The following CSMD1 variants were observed in gnomAD, a reference collection of about 807,000 sequenced individuals.
The protein encoded by CSMD1 is CUB and sushi domain-containing protein 1.
A neutral mutation model predicts 417.5 loss-of-function variants in CSMD1; 213 were observed. That is an observed-to-expected ratio of 0.51 (90% CI 0.46 to 0.57). CSMD1 has a LOEUF of 0.57. Among genes scored for constraint, CSMD1 ranks in the 20% least tolerant of loss-of-function variants. The pLI is 0.00. For synonymous variants in CSMD1, 2,862 were observed against 1,736.8 expected (o/e 1.65, Z -16.11); for missense variants, 6,923 against 4,529.7 (o/e 1.53, Z -15.17).
At chr8:4,549,159 C>G (rs1431330272) in intron 2 of CSMD1, among the ~76,000 whole-genome samples, 1 of 152,102 alleles carries the variant, frequency 6.6e-6, no homozygotes, top group East Asian at 1.9e-4. Context: ...CTTACACAGA[C>G]TGACTCAAGG....
intron 9 of CSMD1, among the ~76,000 whole-genome samples, chr8:3,578,011 C>T (rs1427258347): frequency 6.6e-6 from 1 of 152,126 alleles, no homozygotes; most frequent in Non-Finnish European, 1.5e-5. Context: ...CTGTTGTCCC[C>T]TAGCTGTCCT....
In CSMD1 at chr8:3,035,252, G is replaced by C. The variant is rs116990919; in HGVS notation, c.7661-5739C>G. 6.4e-3 allele frequency among the ~76,000 whole-genome samples: 969 copies of C among 152,298 alleles called. 10 individuals are homozygous for C. The highest frequency in any genetic ancestry group is 0.014 in the Middle Eastern group (4 of 294). On this transcript the variant is annotated intron_variant, in intron 50 of 69. Transcript: ENST00000635120. ...ACTGCAGAGCGCGGCTGCTCCCAGA[G>C]ACGCGCATCTGTTTAAAAAGCTCTT...
chr8:3,376,662 A>T (rs1810324975), intron 18 of CSMD1, among the ~76,000 whole-genome samples: 1 of 152,138 alleles, frequency 6.6e-6, no homozygotes, highest in Non-Finnish European at 1.5e-5. Flanking sequence ...AGGACAATTT[A>T]TCCCAATGTT....
chr8:4,444,617 TG>T (rs1798673461), intron 2 of CSMD1, among the ~76,000 whole-genome samples: 1 of 152,124 alleles, frequency 6.6e-6, no homozygotes, highest in Non-Finnish European at 1.5e-5. Context: ...AAGGGATAGA[TG>T]CCATCTGTAA....
chr8:3,609,893 C>T (rs1247840757), intron 8 of CSMD1, among the ~76,000 whole-genome samples: 2 of 136,950 alleles, frequency 1.5e-5, no homozygotes, highest in Non-Finnish European at 3.1e-5. Flanking sequence ...ATCTCGGCTC[C>T]TGGGTTCAAA....
intron 5 of CSMD1, among the ~76,000 whole-genome samples, chr8:3,812,671 G>T (rs919433004): frequency 2.6e-5 from 4 of 152,200 alleles, no homozygotes; most frequent in African/African-American, 9.7e-5. Flanking sequence ...TTAAGGAAGA[G>T]ATTGCAACGC....
At chr8:3,734,936 C>T (rs1482609831) in intron 6 of CSMD1, among the ~76,000 whole-genome samples, 1 of 152,170 alleles carries the variant, frequency 6.6e-6, no homozygotes, top group Non-Finnish European at 1.5e-5. Context: ...TTTACTTCAT[C>T]CAAACCCTCC....
rs575643208 is a variant in CSMD1, at chr8:3,380,761, G to C, written c.2782+6733C>G. On this transcript the variant is annotated intron_variant, in intron 18 of 69. Transcript: ENST00000635120. ...GTTCGGAGAATGCAGGGCTAGGGGA[G>C]GCATAGCATTAGAAGAAATACCTAA... is the stretch of plus-strand genomic sequence containing the variant. Among the ~76,000 whole-genome samples, 115 of 152,188 alleles carry C rather than the reference G, an allele frequency of 7.6e-4. 1 individual carries two copies. Among genetic ancestry groups the C allele is most frequent in the Non-Finnish European group, 1.3e-3 (86 of 68,014 alleles).
intron 5 of CSMD1, among the ~76,000 whole-genome samples, chr8:3,997,600 G>C (rs1257238022): frequency 1.3e-5 from 2 of 152,144 alleles, no homozygotes; most frequent in African/African-American, 4.8e-5. Flanking sequence ...AACAGCTTCA[G>C]ACCAAACCCA....
chr8:3,605,130 G>A (rs1031152685), intron 8 of CSMD1, among the ~76,000 whole-genome samples: 1 of 152,160 alleles, frequency 6.6e-6, no homozygotes, highest in African/African-American at 2.4e-5. Flanking sequence ...GAGTAGCTGG[G>A]ACTACAGGCG....
intron 1 of CSMD1, among the ~76,000 whole-genome samples, chr8:4,860,923 T>C (rs2116873033): frequency 6.6e-6 from 1 of 152,182 alleles, no homozygotes; most frequent in Non-Finnish European, 1.5e-5. Flanking sequence ...TCTCTGTTCA[T>C]CCCTCAAACT....
At chr8:4,021,196 C>G (rs1167194836) in intron 4 of CSMD1, among the ~76,000 whole-genome samples, 1 of 152,146 alleles carries the variant, frequency 6.6e-6, no homozygotes, top group African/African-American at 2.4e-5. Flanking sequence ...AATGGCATAA[C>G]TGAAATACAC....
At chr8:4,687,439 G>A (rs1036153662) in intron 1 of CSMD1, among the ~76,000 whole-genome samples, 2 of 152,164 alleles carry the variant, frequency 1.3e-5, no homozygotes, top group Admixed American at 6.5e-5. Flanking sequence ...TTTCAATGTT[G>A]ATAATTTAGT....
intron 1 of CSMD1, among the ~76,000 whole-genome samples, chr8:4,824,896 G>A (rs192588032): frequency 2.0e-5 from 3 of 152,118 alleles, no homozygotes; most frequent in Admixed American, 6.6e-5. Context: ...CAGGGTAATG[G>A]GCTGTTACTG....
At position 4,365,841 on chromosome 8, in the gene CSMD1, A is replaced by G. The variant is rs565031147; in HGVS notation, c.415+54112T>C. Among the ~76,000 whole-genome samples, 3 of 152,348 alleles carry G rather than the reference A, an allele frequency of 2.0e-5. No individual in the cohort carries two copies. The East Asian group carries it at 5.8e-4, about 29-fold the overall frequency. On this transcript the variant is annotated intron_variant, in intron 3 of 69. Transcript: ENST00000635120. ...TCTTTTGACTTTTCTAGATTCCACCAAGGAAACATCACTAAAAATCTACTT... is the reference window on the plus strand; with the variant it reads ...TCTTTTGACTTTTCTAGATTCCACCGAGGAAACATCACTAAAAATCTACTT...
At chr8:3,761,075 A>C (rs1484723334) in intron 5 of CSMD1, among the ~76,000 whole-genome samples, 1 of 152,142 alleles carries the variant, frequency 6.6e-6, no homozygotes, top group African/African-American at 2.4e-5. Context: ...AGAGTTCCTG[A>C]CATGTTATGT....
chr8:3,276,480 C>T (rs1802300737), intron 26 of CSMD1, among the ~76,000 whole-genome samples: 1 of 152,102 alleles, frequency 6.6e-6, no homozygotes, highest in Non-Finnish European at 1.5e-5. Context: ...AGGGAAACTC[C>T]CATTTATAAA....
At chr8:4,448,754 A>C (rs989401793) in intron 2 of CSMD1, among the ~76,000 whole-genome samples, 5 of 152,188 alleles carry the variant, frequency 3.3e-5, no homozygotes, top group African/African-American at 9.7e-5. Flanking sequence ...GAATGACATA[A>C]TGACAACCAT....
At chr8:4,985,826 C>T (rs1308126495) in intron 1 of CSMD1, among the ~76,000 whole-genome samples, 2 of 152,116 alleles carry the variant, frequency 1.3e-5, no homozygotes, top group Non-Finnish European at 2.9e-5. Context: ...AAAATACCCT[C>T]ACAGATGGAT....
Sources: allele counts gnomAD v4.1 joint callset (sites outside exome capture counted in the v4.1 genomes callset), GRCh38; gene constraint gnomAD v4.1.1; transcripts MANE v1.5; gene names NCBI Gene and HGNC (gene_info 2026-07-23, HGNC 2026-07-21).